The following ULK2 variants were observed in gnomAD, a reference collection of about 807,000 sequenced individuals.
ULK2 encodes unc-51 like autophagy activating kinase 2.
In ULK2, 76 loss-of-function variants were observed where a neutral mutation model predicts 127.5. The ratio of observed to expected loss-of-function variants is 0.60; its 90% CI spans 0.50 to 0.72. ULK2 has a LOEUF of 0.72. ULK2 is among the 30% of genes least tolerant of loss of function. The probability of loss-of-function intolerance (pLI) is 0.00; values close to 1 mark genes in which losing one functional copy is unlikely to be tolerated. For missense variants in ULK2, 1,144 were observed against 1,295.9 expected (o/e 0.88, Z 1.80); for synonymous variants, 452 against 461.9 (o/e 0.98, Z 0.28).
intron 24 of ULK2, among the ~76,000 whole-genome samples, 164 bp downstream of exon 24, chr17:19,780,822 T>A (rs2086902388): frequency 6.6e-6 from 1 of 152,236 alleles, no homozygotes; most frequent in African/African-American, 2.4e-5. Context: ...TTCAGACTTC[T>A]ATCAATTGAA....
At chr17:19,781,204 G>A (rs1387232303) in intron 23 of ULK2, 100 bp from the exon 24 acceptor site, 7 of 781,050 alleles carry the variant, frequency 9.0e-6, no homozygotes, top group Admixed American at 3.0e-5. Flanking sequence ...TTCTATAAAG[G>A]AATAGCATCC....
At position 19,811,707 on chromosome 17, in the gene ULK2, G is replaced by C. The variant is rs1414406957; in HGVS notation, c.1097-1269C>G. ...TCTGCCCACCTCGGCCTCCCAAAGT[G>C]CTGAGATTACAGACATGAGCCACTG... On this transcript the variant is annotated intron_variant, in intron 13 of 26. Transcript: ENST00000395544. 3.9e-5 allele frequency among the ~76,000 whole-genome samples: 6 copies of C among 152,228 alleles called. No individual in the cohort carries two copies. In the South Asian group the frequency reaches 8.3e-4, roughly 21 times the overall value.
chr17:19,799,718 T>A, intron 16 of ULK2, 143 bp from the exon 17 acceptor site: 4 of 693,220 alleles, frequency 5.8e-6, no homozygotes, highest in Non-Finnish European at 9.0e-6. Flanking sequence ...TTAGTTCAAC[T>A]AACATTTACT....
rs1446114778 is a variant in ULK2 at position 19,771,947 on chromosome 17, CAG to C, written c.*4400_*4401del. On this transcript the variant is annotated 3_prime_UTR_variant, in exon 27 of 27. Transcript: ENST00000395544. ...AGAGCCCAGGGAGGTCCGCCCTGCG[CAG>C]AGAGGGAGTGCAGACCTAAAGAGAG... 1 of 152,342 alleles carries C rather than the reference CAG, an allele frequency of 6.6e-6. No individual in the cohort carries two copies. Among genetic ancestry groups the C allele is most frequent in the Non-Finnish European group, 1.5e-5 (1 of 68,134 alleles). The allele number at this position is 152,342 out of a possible 1,614,324, so 9.4% of individuals were successfully genotyped here.
chr17:19,863,341 C>A (rs553213331), intron 3 of ULK2, among the ~76,000 whole-genome samples: 2 of 152,008 alleles, frequency 1.3e-5, no homozygotes, highest in African/African-American at 4.8e-5. Flanking sequence ...CGAATTCAAC[C>A]GTCCAGACTA....
intron 10 of ULK2, among the ~76,000 whole-genome samples, chr17:19,834,454 A>G (rs1158132296): frequency 1.3e-5 from 2 of 151,994 alleles, no homozygotes; most frequent in Non-Finnish European, 1.5e-5. Context: ...ATGACAACAC[A>G]AAAGAGGAGG....
intron 12 of ULK2, among the ~76,000 whole-genome samples, chr17:19,823,592 T>C (rs1026027753): frequency 6.6e-6 from 1 of 152,206 alleles, no homozygotes; most frequent in South Asian, 2.1e-4. Context: ...CCACAATTTA[T>C]TGAGACTTTG....
chr17:19,861,285 G>A lies in ULK2; in HGVS notation c.225+3518C>T, dbSNP rs181727918. Among the ~76,000 whole-genome samples the A allele has an allele frequency of 4.6e-5, 7 of 152,238 alleles. No individual in the cohort carries two copies. The East Asian group carries it at 1.4e-3, about 30-fold the overall frequency. On this transcript the variant is annotated intron_variant, in intron 3 of 26. Transcript: ENST00000395544. The stretch of plus-strand genomic sequence containing the variant: ...AGCAAGGCCGGGCGCGGTGGCTCAC[G>A]CCTGTTATCCCAGCACTTTGGGAGG...
intron 12 of ULK2, among the ~76,000 whole-genome samples, chr17:19,817,674 G>A (rs538041275): frequency 6.6e-6 from 1 of 152,224 alleles, no homozygotes; most frequent in South Asian, 2.1e-4. Context: ...TTATACAATG[G>A]TTTTCTACAA....
chr17:19,835,135 GT>G (rs1448533016), intron 10 of ULK2, among the ~76,000 whole-genome samples: 12 of 149,658 alleles, frequency 8.0e-5, no homozygotes, highest in African/African-American at 2.5e-4. Context: ...AATTCAACTG[GT>G]TTTTTGGTTT....
chr17:19,846,654 A>AAAG, intron 6 of ULK2, 83 bp downstream of exon 6: 1 of 1,448,800 alleles, frequency 6.9e-7, no homozygotes, highest in Admixed American at 2.4e-5. Flanking sequence ...AAAAAAAAAA[A>AAAG]ATCCATCATT....
intron 10 of ULK2, among the ~76,000 whole-genome samples, chr17:19,826,589 T>C (rs1371503954): frequency 1.3e-5 from 2 of 152,152 alleles, no homozygotes; most frequent in African/African-American, 4.8e-5. Context: ...AAGAGGAAAT[T>C]GATACAGCTG....
intron 20 of ULK2, among the ~76,000 whole-genome samples, chr17:19,788,763 G>A (rs1431718568): frequency 1.3e-5 from 2 of 152,252 alleles, no homozygotes; most frequent in Non-Finnish European, 2.9e-5. Flanking sequence ...TGACTGAAGA[G>A]CCCTTGGGCC....
At chr17:19,849,862 C>A in intron 3 of ULK2, 88 bp from the exon 4 acceptor site, 2 of 789,134 alleles carry the variant, frequency 2.5e-6, no homozygotes, top group South Asian at 1.9e-5. Context: ...CATACTTGTT[C>A]ATTATTAAAA....
At chr17:19,842,385 T>G (rs987754474) in intron 8 of ULK2, among the ~76,000 whole-genome samples, 1 of 151,572 alleles carries the variant, frequency 6.6e-6, no homozygotes, top group Non-Finnish European at 1.5e-5. Flanking sequence ...TTAGTAGAGA[T>G]GGGGTTTCTC....
chr17:19,846,398 C>T (rs1038569756), intron 6 of ULK2, among the ~76,000 whole-genome samples: 5 of 151,660 alleles, frequency 3.3e-5, no homozygotes, highest in African/African-American at 9.7e-5. Flanking sequence ...CCAGCACTTG[C>T]GGAAGCTGAG....
intron 26 of ULK2, 106 bp from the exon 27 acceptor site, chr17:19,776,513 CT>C: frequency 9.4e-7 from 1 of 1,059,146 alleles, no homozygotes; most frequent in Non-Finnish European, 1.3e-6. Context: ...ATGTTTTCTT[CT>C]TTCTGCTTGG....
intron 12 of ULK2, among the ~76,000 whole-genome samples, chr17:19,821,125 G>T (rs998283782): frequency 6.6e-6 from 1 of 152,118 alleles, no homozygotes; most frequent in African/African-American, 2.4e-5. Flanking sequence ...TGGCCAACAT[G>T]GCGAAACCCC....
At chr17:19,845,972 G>A (rs2041870600) in intron 6 of ULK2, among the ~76,000 whole-genome samples, 1 of 151,794 alleles carries the variant, frequency 6.6e-6, no homozygotes, top group African/African-American at 2.4e-5. Context: ...AAAAAAATTA[G>A]CTGGGTGTGG....
Sources: allele counts gnomAD v4.1 joint callset (sites outside exome capture counted in the v4.1 genomes callset), GRCh38; gene constraint gnomAD v4.1.1; transcripts MANE v1.5; gene names NCBI Gene and HGNC (gene_info 2026-07-23, HGNC 2026-07-21).